FAM193A: variants seen among roughly 807,000 people sequenced by gnomAD.
The protein encoded by FAM193A is protein FAM193A.
Under a neutral mutation model 126.5 loss-of-function variants are expected in FAM193A, and 22 were observed. That is an observed-to-expected ratio of 0.17 (90% CI 0.12 to 0.25). The LOEUF is 0.25. Ranked by LOEUF, FAM193A falls within the 10% of genes least tolerant of loss-of-function variation. The pLI is 1.00. For synonymous variants in FAM193A, 761 were observed against 646.8 expected, an observed-to-expected ratio of 1.18 and a Z score of -2.68; for missense variants, 1,675 against 1,672.8, an observed-to-expected ratio of 1.00 and a Z score of -0.02.
intron 20 of FAM193A, among the ~76,000 whole-genome samples, chr4:2,729,651 C>T (rs543008586): frequency 3.9e-5 from 6 of 152,252 alleles, no homozygotes; most frequent in South Asian, 2.1e-4. Flanking sequence ...GATTCGCCAC[C>T]GGCAACTCAG....
chr4:2,581,234 C>G (rs1392786730), intron 1 of FAM193A, among the ~76,000 whole-genome samples: 1 of 149,902 alleles, frequency 6.7e-6, no homozygotes, highest in Non-Finnish European at 1.5e-5. Context: ...ATTCTCTCTT[C>G]CTGAAATATT....
At chr4:2,661,682 A>T (rs1033327103) in intron 10 of FAM193A, among the ~76,000 whole-genome samples, 1 of 152,024 alleles carries the variant, frequency 6.6e-6, no homozygotes, top group South Asian at 2.1e-4. Context: ...GACACTCTTC[A>T]CTCATTCTAG....
intron 19 of FAM193A, among the ~76,000 whole-genome samples, chr4:2,702,754 T>G (rs952602597): frequency 8.5e-5 from 13 of 152,216 alleles, no homozygotes; most frequent in Non-Finnish European, 1.9e-4. Flanking sequence ...GGTTCAGAAG[T>G]CCCTGCCCTT....
intron 2 of FAM193A, among the ~76,000 whole-genome samples, chr4:2,610,039 C>T (rs1431863207): frequency 6.6e-6 from 1 of 151,928 alleles, no homozygotes; most frequent in Non-Finnish European, 1.5e-5. Context: ...TGAGACCAGC[C>T]TGGCCAACAT....
At chr4:2,727,070 C>A (rs1438213883) in intron 20 of FAM193A, among the ~76,000 whole-genome samples, 1 of 152,042 alleles carries the variant, frequency 6.6e-6, no homozygotes, top group Non-Finnish European at 1.5e-5. Flanking sequence ...ACCATTCTGG[C>A]CAACATGGTG....
chr4:2,603,247 T>C (rs1426356333), intron 2 of FAM193A, among the ~76,000 whole-genome samples: 1 of 148,044 alleles, frequency 6.8e-6, no homozygotes, highest in Non-Finnish European at 1.5e-5. Flanking sequence ...GGCCTCCTGA[T>C]TGCTGGGATT....
chr4:2,560,803 C>G (rs1738565008), intron 1 of FAM193A, among the ~76,000 whole-genome samples: 1 of 152,090 alleles, frequency 6.6e-6, no homozygotes, highest in African/African-American at 2.4e-5. Context: ...CCTTCCTCTT[C>G]CTCAGTGTTT....
intron 12 of FAM193A, among the ~76,000 whole-genome samples, chr4:2,664,554 C>CTTTTTTTTT (rs1712870995): frequency 2.6e-5 from 2 of 78,424 alleles, no homozygotes; most frequent in South Asian, 4.4e-4. Flanking sequence ...TCTCTATTTT[C>CTTTTTTTTT]TTTCTTTTTT....
At chr4:2,577,422 G>GTTTTTTTTTTTTTTTTTTTTTTTTTTTT (rs986931980) in intron 1 of FAM193A, among the ~76,000 whole-genome samples, 4 of 115,572 alleles carry the variant, frequency 3.5e-5, no homozygotes, top group African/African-American at 3.4e-5. Context: ...TTTTTTTTTT[G>GTTTTTTTTTTTTTTTTTTTTTTTTTTTT]TTTTTTTTTT....
chr4:2,712,102 G>A (rs976124717), intron 19 of FAM193A, among the ~76,000 whole-genome samples: 1 of 152,070 alleles, frequency 6.6e-6, no homozygotes, highest in African/African-American at 2.4e-5. Context: ...GATACTTTCT[G>A]AGGCCCAGTG....
At chr4:2,620,664 C>T (rs995254797) in intron 2 of FAM193A, among the ~76,000 whole-genome samples, 16 of 151,806 alleles carry the variant, frequency 1.1e-4, no homozygotes, top group Admixed American at 1.3e-4. Context: ...GCCTTGTCAA[C>T]GTGGTGTAAC....
intron 5 of FAM193A, among the ~76,000 whole-genome samples, chr4:2,633,997 A>G (rs575114106): frequency 1.3e-4 from 20 of 152,354 alleles, no homozygotes; most frequent in African/African-American, 4.1e-4. Context: ...TGAGAAATAC[A>G]TGGGCTTGAA....
chr4:2,676,486 A>G (rs1560554078), intron 13 of FAM193A, among the ~76,000 whole-genome samples: 2 of 152,130 alleles, frequency 1.3e-5, no homozygotes, highest in Non-Finnish European at 2.9e-5. Context: ...CATCTATTCA[A>G]GTCCTTTGCT....
chr4:2,612,128 G>A (rs570684021), intron 2 of FAM193A, among the ~76,000 whole-genome samples: 1 of 151,668 alleles, frequency 6.6e-6, no homozygotes, highest in South Asian at 2.1e-4. Flanking sequence ...GAGCCACCGC[G>A]CCCGGCTCCA....
chr4:2,662,541 G>A (rs1447931171), intron 10 of FAM193A, among the ~76,000 whole-genome samples: 2 of 152,192 alleles, frequency 1.3e-5, no homozygotes, highest in Non-Finnish European at 2.9e-5. Flanking sequence ...CAGGTCAAAT[G>A]GAAACGTTAA....
intron 1 of FAM193A, among the ~76,000 whole-genome samples, chr4:2,587,513 A>G (rs113705832): frequency 0.048 from 7,252 of 152,174 alleles, 545 homozygotes; most frequent in African/African-American, 0.16. Context: ...GCGACCTAGC[A>G]AAACCTCGTC....
chr4:2,558,777 G>A (rs1018819665), intron 1 of FAM193A, among the ~76,000 whole-genome samples: 1 of 152,216 alleles, frequency 6.6e-6, no homozygotes, highest in Non-Finnish European at 1.5e-5. Context: ...GAGGTGGACA[G>A]ATCACTTGAG....
At chr4:2,648,431 A>G (rs1376946845) in intron 7 of FAM193A, among the ~76,000 whole-genome samples, 4 of 152,150 alleles carry the variant, frequency 2.6e-5, no homozygotes, top group African/African-American at 7.2e-5. Context: ...CTGAGAGAGC[A>G]GTTGCTGTTT....
intron 19 of FAM193A, among the ~76,000 whole-genome samples, chr4:2,713,301 G>C (rs1719194593): frequency 6.6e-6 from 1 of 151,650 alleles, no homozygotes; most frequent in African/African-American, 2.4e-5. Flanking sequence ...AGCTACTCGG[G>C]AGGCTGAGGC....
Sources: gnomAD v4.1 joint callset for allele counts (sites outside exome capture counted in the v4.1 genomes callset) on GRCh38, gnomAD v4.1.1 for gene constraint, MANE v1.5 for transcripts, NCBI Gene and HGNC (gene_info 2026-07-23, HGNC 2026-07-21) for gene names.